CCNI: variants seen among roughly 807,000 people sequenced by gnomAD.
CCNI encodes cyclin I.
Under a neutral mutation model 34.1 loss-of-function variants are expected in CCNI, and 14 were observed. That is an observed-to-expected ratio of 0.41 (90% CI 0.27 to 0.64). The LOEUF (loss-of-function observed/expected upper bound fraction) is 0.64, where lower values mean the gene tolerates loss of function less well. CCNI is among the 30% of genes least tolerant of loss of function. The pLI is 0.31. For synonymous variants in CCNI, 154 were observed against 158.4 expected, an observed-to-expected ratio of 0.97 and a Z score of 0.21; for missense variants, 385 against 440.5, an observed-to-expected ratio of 0.87 and a Z score of 1.13.
chr4:77,057,512 T>A (rs1295320880), intron 3 of CCNI, among the ~76,000 whole-genome samples: 1 of 152,230 alleles, frequency 6.6e-6, no homozygotes, highest in Non-Finnish European at 1.5e-5. Flanking sequence ...TAATAAAGCA[T>A]TTAATTGACA....
At chr4:77,058,281 G>C (rs1348604010) in intron 3 of CCNI, among the ~76,000 whole-genome samples, 1 of 152,042 alleles carries the variant, frequency 6.6e-6, no homozygotes, top group Non-Finnish European at 1.5e-5. Context: ...CTTGAACCCA[G>C]GAGGCAGACA....
At position 77,068,177 on chromosome 4, in the gene CCNI, AAAAC is replaced by A. The variant is rs540058049; in HGVS notation, c.-43-1776_-43-1773del. On this transcript the variant is annotated intron_variant, in intron 1 of 6. Transcript: ENST00000237654. Reference sequence around the variant, plus strand: ...TGGCGACAGAGCAAGACTCCGTCTCAAAACAAACAAACAAACAAACAAAAAAGAA... The same window carrying A: ...TGGCGACAGAGCAAGACTCCGTCTCAAAACAAACAAACAAACAAAAAAGAA... Among the ~76,000 whole-genome samples, 1,037 of 152,228 alleles carry A rather than the reference AAAAC, an allele frequency of 6.8e-3. 14 individuals are homozygous for A. The highest frequency in any genetic ancestry group is 0.023 in the African/African-American group (935 of 41,528).
rs1447551066 is a variant in CCNI, at chr4:77,064,618, CACACA to C, written c.114+1626_114+1630del. On this transcript the variant is annotated intron_variant, in intron 2 of 6. Transcript: ENST00000237654. ...ACACACACACACACACACACACACACACACAAAATATCACAGGAAGAGGACTACCT... is the reference window on the plus strand; with the variant it reads ...ACACACACACACACACACACACACACAAATATCACAGGAAGAGGACTACCT... The C allele has an allele frequency of 8.0e-5, 12 of 150,738 alleles. 1 individual carries two copies. The highest frequency in any genetic ancestry group is 3.3e-4 in the Admixed American group (5 of 15,182). The allele number at this position is 150,738 out of a possible 1,614,324, so 9.3% of individuals were successfully genotyped here.
At position 77,048,080 on chromosome 4, in the gene CCNI, AGTTTT is replaced by A. The variant is rs1193268683; in HGVS notation, c.*134_*138del. ...TATAATTAGCCACACAAATAATGAG[AGTTTT>A]ATTTTTTTTTTCTGGCTCACTCCAA... is the stretch of plus-strand genomic sequence containing the variant. On this transcript the variant is annotated 3_prime_UTR_variant, in exon 7 of 7. Transcript: ENST00000237654. 3 of 555,516 alleles carry A rather than the reference AGTTTT, an allele frequency of 5.4e-6. No individual in the cohort carries two copies. Among genetic ancestry groups the A allele is most frequent in the African/African-American group, 1.9e-5 (1 of 52,606 alleles). The allele number at this position is 555,516 out of a possible 1,614,324, so 34.4% of individuals were successfully genotyped here. A position where few individuals can be genotyped will look rare whatever the true frequency, so the allele number is the denominator to read the frequency against.
intron 2 of CCNI, among the ~76,000 whole-genome samples, chr4:77,060,919 C>T (rs1728559975): frequency 7.1e-6 from 1 of 140,100 alleles, no homozygotes; most frequent in Admixed American, 6.8e-5. Flanking sequence ...GCCACTGCGC[C>T]CGGCCTAATT....
intron 1 of CCNI, 27 bp downstream of exon 1, chr4:77,075,445 G>C: frequency 5.0e-6 from 4 of 797,472 alleles, no homozygotes; most frequent in Non-Finnish European, 5.9e-6. Context: ...GACGCGTCGA[G>C]CCCCCGCCCC....
At chr4:77,065,270 T>C (rs1473619388) in intron 2 of CCNI, among the ~76,000 whole-genome samples, 1 of 152,202 alleles carries the variant, frequency 6.6e-6, no homozygotes, top group South Asian at 2.1e-4. Flanking sequence ...ACTTACATAT[T>C]TGCCATTCAT....
chr4:77,070,408 G>T (rs918446024), intron 1 of CCNI, among the ~76,000 whole-genome samples: 1 of 149,872 alleles, frequency 6.7e-6, no homozygotes, highest in Non-Finnish European at 1.5e-5. Context: ...ACTTTCTCAG[G>T]TTCCTTGTTA....
rs1727524226 is a variant in CCNI at position 77,047,686 on chromosome 4, A to C, written c.*533T>G. The stretch of plus-strand genomic sequence containing the variant: ...CTTTTTCTTTTGCCATCTCTGATTA[A>C]TATGGGACAATTCCAAAGTACCCTT... On this transcript the variant is annotated 3_prime_UTR_variant, in exon 7 of 7. Transcript: ENST00000237654. 2 of 152,486 alleles carry C rather than the reference A, an allele frequency of 1.3e-5. No homozygotes were observed. Among genetic ancestry groups the C allele is most frequent in the Admixed American group, 1.3e-4 (2 of 15,322 alleles). The allele number at this position is 152,486 out of a possible 1,614,324, so 9.4% of individuals were successfully genotyped here.
At chr4:77,053,607 T>C (rs911850822) in intron 6 of CCNI, among the ~76,000 whole-genome samples, 2 of 152,204 alleles carry the variant, frequency 1.3e-5, no homozygotes, top group African/African-American at 4.8e-5. Context: ...ATCTGTCCTC[T>C]GACACTAACA....
chr4:77,055,319 G>C lies in CCNI; in HGVS notation c.521C>G (p.Pro174Arg). The change falls in exon 6 of 7, where the codon CCA becomes CGA. Residue 174 changes from proline to arginine, a missense_variant. By Grantham distance (103) the Pro-to-Arg change is moderately radical. Coordinates refer to ENST00000237654, the MANE Select transcript of CCNI (RefSeq NM_006835.3). ...QLLFSLPKLS[P>R]SQHLAVLTKQ... is the part of the protein sequence containing the mutation. ...GGTAAGGACTGCCAAATGTTGAGAT[G>C]GGCTCAATTTGGGCAAACTGAAAAG... The C allele has an allele frequency of 6.2e-7, 1 of 1,614,182 alleles. No homozygotes were observed.
chr4:77,048,139 A>G lies in CCNI; in HGVS notation c.*80T>C. On this transcript the variant is annotated 3_prime_UTR_variant, in exon 7 of 7. Coordinates refer to ENST00000237654, the MANE Select transcript of CCNI (RefSeq NM_006835.3). ...AGCCTGTTAAGGTATATTTCCTTCT[A>G]CAGCCTTTCCTGATTTTGCATGTTC... is the stretch of plus-strand genomic sequence containing the variant. 9.3e-7 allele frequency: 1 copy of G among 1,075,256 alleles called. No individual in the cohort carries two copies. The highest frequency in any genetic ancestry group is 1.5e-5 in the South Asian group (1 of 67,868). 66.6% of individuals were successfully genotyped at this position (1,075,256 alleles called of 1,614,324 possible). A position where few individuals can be genotyped will look rare whatever the true frequency, so the allele number is the denominator to read the frequency against.
chr4:77,071,587 A>T (rs1729469781), intron 1 of CCNI, among the ~76,000 whole-genome samples: 1 of 152,232 alleles, frequency 6.6e-6, no homozygotes, highest in Non-Finnish European at 1.5e-5. Context: ...GAAAAGATCA[A>T]AATGGACAAA....
intron 2 of CCNI, 63 bp from the exon 3 acceptor site, chr4:77,058,698 G>C: frequency 7.0e-7 from 1 of 1,429,392 alleles, no homozygotes; most frequent in Non-Finnish European, 9.7e-7. Flanking sequence ...AGTATGTTTA[G>C]AATTCTCTCT....
intron 1 of CCNI, among the ~76,000 whole-genome samples, chr4:77,074,048 C>G (rs957908980): frequency 5.9e-5 from 9 of 152,084 alleles, no homozygotes; most frequent in Admixed American, 1.3e-4. Flanking sequence ...AGCCATAAAG[C>G]CCATTTTAAA....
chr4:77,056,306 C>T lies in CCNI; in HGVS notation c.261G>A (p.Leu87=). 1 of 1,613,536 alleles carries T rather than the reference C, an allele frequency of 6.2e-7. No individual in the cohort carries two copies. The highest frequency in any genetic ancestry group is 8.5e-7 in the Non-Finnish European group (1 of 1,179,552). The change falls in exon 4 of 7, where the codon TTG becomes TTA. Residue 87 remains leucine (L), a synonymous_variant. Coordinates refer to ENST00000237654, the MANE Select transcript of CCNI (RefSeq NM_006835.3). ...LATVKAHPKY[L]SCIAISCFFL... ...AAAAACAGCTGATTGCAATACAACT[C>T]AAGTATTTTGGATGAGCCTAAAATT... is the stretch of plus-strand genomic sequence containing the variant.
At chr4:77,053,844 T>TA in intron 6 of CCNI, among the ~76,000 whole-genome samples, 1 of 152,318 alleles carries the variant, frequency 6.6e-6, no homozygotes, top group East Asian at 1.9e-4. Context: ...ATTATTCATT[T>TA]AAATGGTGGT....
At chr4:77,055,096 T>C (rs1728120898) in intron 6 of CCNI, 54 bp downstream of exon 6, 1 of 1,180,338 alleles carries the variant, frequency 8.5e-7, no homozygotes, top group Middle Eastern at 1.9e-4. Flanking sequence ...ACTCTATGTA[T>C]TCCAATAATA....
At position 77,063,513 on chromosome 4, in the gene CCNI, C is replaced by A. The variant is rs565864431; in HGVS notation, c.114+2736G>T. Among the ~76,000 whole-genome samples, 33 of 151,896 alleles carry A rather than the reference C, an allele frequency of 2.2e-4. No individual in the cohort carries two copies. In the East Asian group the frequency reaches 6.2e-3, roughly 29 times the overall value. On this transcript the variant is annotated intron_variant, in intron 2 of 6. Transcript: ENST00000237654. ...GACCATCCTGGCTAACACAGTGAAA[C>A]CCCGTCTCTACTAAAAAATACAAAA...
Sources: allele counts gnomAD v4.1 joint callset (sites outside exome capture counted in the v4.1 genomes callset), GRCh38; gene constraint gnomAD v4.1.1; transcripts MANE v1.5; gene names NCBI Gene and HGNC (gene_info 2026-07-23, HGNC 2026-07-21).